Variants in EYS observed in about 807,000 individuals in gnomAD.
EYS encodes the protein EGF-like photoreceptor maintenance factor, also known as protein eyes shut homolog.
EYS carries 250 observed loss-of-function variants against 282.1 expected under a neutral mutation model. The ratio of observed to expected loss-of-function variants is 0.89; its 90% confidence interval spans 0.80 to 0.98. EYS has a LOEUF of 0.98. EYS is among the 50% of genes least tolerant of loss of function. The pLI is 0.00. For synonymous variants in EYS, 1,355 were observed against 1,282.9 expected (o/e 1.06, Z -1.20); for missense variants, 4,016 against 3,709.0 (o/e 1.08, Z -2.15).
At chr6:64,160,675 C>T (rs113401594) in intron 31 of EYS, among the ~76,000 whole-genome samples, 3,912 of 152,226 alleles carry the variant, frequency 0.026, 156 homozygotes, top group African/African-American at 0.089. Flanking sequence ...TGCTTTAATG[C>T]ATCTTTGTCT....
chr6:63,800,099 G>A (rs1347160488), intron 37 of EYS, among the ~76,000 whole-genome samples: 1 of 152,222 alleles, frequency 6.6e-6, no homozygotes, highest in Non-Finnish European at 1.5e-5. Flanking sequence ...ATTGGAGGAT[G>A]TGTTCTGTTC....
intron 33 of EYS, among the ~76,000 whole-genome samples, chr6:64,065,417 A>T (rs192389307): frequency 6.6e-6 from 1 of 152,298 alleles, no homozygotes; most frequent in East Asian, 1.9e-4. Flanking sequence ...AAAATTTTGA[A>T]TTCTTAGTTG....
At chr6:64,962,484 C>T (rs946385180) in intron 14 of EYS, among the ~76,000 whole-genome samples, 2 of 151,562 alleles carry the variant, frequency 1.3e-5, no homozygotes, top group African/African-American at 2.4e-5. Context: ...AAATCATAGC[C>T]CTTTGGGAGG....
chr6:63,793,881 A>G (rs1355371821), intron 37 of EYS, among the ~76,000 whole-genome samples: 2 of 152,230 alleles, frequency 1.3e-5, no homozygotes, highest in East Asian at 3.9e-4. Flanking sequence ...CTTTGTATGT[A>G]GATGAGACCT....
chr6:65,160,571 A>G (rs1764829215), intron 12 of EYS, among the ~76,000 whole-genome samples: 1 of 150,742 alleles, frequency 6.6e-6, no homozygotes, highest in South Asian at 2.1e-4. Context: ...TTATGGCCCT[A>G]ATTCTTGGCC....
intron 12 of EYS, among the ~76,000 whole-genome samples, chr6:65,208,855 A>G (rs1202770453): frequency 6.6e-6 from 1 of 151,862 alleles, no homozygotes; most frequent in Non-Finnish European, 1.5e-5. Context: ...CCAATATTGG[A>G]TGATGAATAT....
intron 31 of EYS, among the ~76,000 whole-genome samples, chr6:64,087,242 A>G (rs989536972): frequency 2.8e-4 from 42 of 152,170 alleles, no homozygotes; most frequent in African/African-American, 9.2e-4. Context: ...AACGCATTCA[A>G]CAAACATCTA....
chr6:64,555,920 A>G lies in EYS; in HGVS notation c.5644+34303T>C, dbSNP rs534945534. On this transcript the variant is annotated intron_variant, in intron 26 of 42. Transcript: ENST00000503581. ...CAGACATTAAAAACTGCTGAAAAGT[A>G]AAATCTAAAATAATACTGAAAACAC... 2.5e-4 allele frequency among the ~76,000 whole-genome samples: 38 copies of G among 152,092 alleles called. 2 individuals are homozygous for G. The highest frequency in any genetic ancestry group is 9.1e-4 in the African/African-American group (38 of 41,562).
intron 26 of EYS, among the ~76,000 whole-genome samples, chr6:64,443,061 C>T (rs111567929): frequency 0.03 from 4,558 of 152,224 alleles, 137 homozygotes; most frequent in African/African-American, 0.078. Flanking sequence ...CGCCAGCCCA[C>T]GAAGGCAGCC....
intron 35 of EYS, among the ~76,000 whole-genome samples, chr6:63,877,301 A>G (rs1225316041): frequency 6.6e-6 from 1 of 151,930 alleles, no homozygotes; most frequent in African/African-American, 2.4e-5. Flanking sequence ...ATTGGCCCCC[A>G]CTCTCTTCTG....
At chr6:65,062,133 T>C (rs35609130) in intron 12 of EYS, among the ~76,000 whole-genome samples, 33,966 of 151,736 alleles carry the variant, frequency 0.22, 4,402 homozygotes, top group Non-Finnish European at 0.29. Context: ...AAATCAAAAT[T>C]TCTCCAGTCC....
chr6:65,016,921 G>C (rs796192805), intron 13 of EYS, among the ~76,000 whole-genome samples: 1 of 152,146 alleles, frequency 6.6e-6, no homozygotes, highest in Non-Finnish European at 1.5e-5. Flanking sequence ...AGTGGTAATG[G>C]ACATTGTATA....
At chr6:64,740,675 C>A (rs968559291) in intron 22 of EYS, among the ~76,000 whole-genome samples, 9 of 151,810 alleles carry the variant, frequency 5.9e-5, no homozygotes, top group Non-Finnish European at 1.3e-4. Context: ...TTTGAACATC[C>A]AGCTAAAATT....
chr6:65,617,411 A>C (rs936724877), intron 2 of EYS, among the ~76,000 whole-genome samples: 3 of 152,126 alleles, frequency 2.0e-5, no homozygotes, highest in African/African-American at 7.2e-5. Flanking sequence ...TCACATATCT[A>C]TTGGTAAATG....
At chr6:64,125,153 T>TCTCTCTCTCTCTCTCTCTCTC in intron 31 of EYS, among the ~76,000 whole-genome samples, 27 of 149,018 alleles carry the variant, frequency 1.8e-4, no homozygotes, top group African/African-American at 6.5e-4. Flanking sequence ...ACACACTCTC[T>TCTCTCTCTCTCTCTCTCTCTC]GTCTCTCTCT....
intron 24 of EYS, among the ~76,000 whole-genome samples, chr6:64,608,377 T>A (rs544561276): frequency 6.6e-6 from 1 of 152,186 alleles, no homozygotes; most frequent in Non-Finnish European, 1.5e-5. Context: ...GTTGGTCAAA[T>A]AATAAATATA....
Position 64,030,567 on chromosome 6 carries a change from G to A in EYS, c.6726-31384C>T, listed in dbSNP as rs186902241. On this transcript the variant is annotated intron_variant, in intron 33 of 42. Coordinates refer to ENST00000503581, the MANE Select transcript of EYS (RefSeq NM_001142800.2). ...TACACTAACCAGTCGGGGATAGTACGAGATGCCGCCCGGCGTTTACAGGAA... is the reference window on the plus strand; with the variant it reads ...TACACTAACCAGTCGGGGATAGTACAAGATGCCGCCCGGCGTTTACAGGAA... Among the ~76,000 whole-genome samples, 8 of 151,928 alleles carry A rather than the reference G, an allele frequency of 5.3e-5. No homozygotes were observed. In the East Asian group the frequency reaches 1.2e-3, roughly 22 times the overall value.
At chr6:65,431,801 A>G (rs1767899981) in intron 5 of EYS, among the ~76,000 whole-genome samples, 1 of 152,152 alleles carries the variant, frequency 6.6e-6, no homozygotes, top group Non-Finnish European at 1.5e-5. Flanking sequence ...AATTTTAGTT[A>G]TAATGTTTAT....
chr6:63,949,895 C>A (rs2149764206), intron 35 of EYS, among the ~76,000 whole-genome samples: 1 of 152,148 alleles, frequency 6.6e-6, no homozygotes, highest in South Asian at 2.1e-4. Context: ...GCTTTTTGGC[C>A]AGGCGCGGTG....
Sources: gnomAD v4.1 joint callset for allele counts (sites outside exome capture counted in the v4.1 genomes callset) on GRCh38, gnomAD v4.1.1 for gene constraint, MANE v1.5 for transcripts, NCBI Gene and HGNC (gene_info 2026-07-23, HGNC 2026-07-21) for gene names.